The following KCNT2 variants were observed in gnomAD, a reference collection of about 807,000 sequenced individuals.
The protein encoded by KCNT2 is potassium channel subfamily T member 2.
A neutral mutation model predicts 153.8 loss-of-function variants in KCNT2; 67 were observed. The ratio of observed to expected loss-of-function variants is 0.44; its 90% CI spans 0.36 to 0.53. KCNT2 has a LOEUF of 0.53. Ranked by LOEUF, KCNT2 falls within the 20% of genes least tolerant of loss-of-function variation. The pLI is 0.00. For synonymous variants in KCNT2, 500 were observed against 458.8 expected (o/e 1.09, Z -1.15); for missense variants, 975 against 1,354.8 (o/e 0.72, Z 4.40).
At chr1:196,469,990 T>C (rs187718451) in intron 5 of KCNT2, among the ~76,000 whole-genome samples, 3 of 152,316 alleles carry the variant, frequency 2.0e-5, no homozygotes, top group East Asian at 3.9e-4. Flanking sequence ...GTTTAAAAAC[T>C]GCACTGATGG....
chr1:196,379,568 T>C (rs892494081), intron 13 of KCNT2, among the ~76,000 whole-genome samples: 1 of 33,712 alleles, frequency 3.0e-5, no homozygotes, highest in African/African-American at 2.7e-4. Context: ...TGAGACTTTC[T>C]CTCTCTCTCT....
intron 1 of KCNT2, among the ~76,000 whole-genome samples, chr1:196,592,468 T>C (rs1663485081): frequency 6.8e-6 from 1 of 148,038 alleles, no homozygotes; most frequent in Non-Finnish European, 1.5e-5. Flanking sequence ...TATATTTATA[T>C]TTATAGCACA....
In KCNT2 at chr1:196,566,852, G is replaced by C. The variant is rs1429762817; in HGVS notation, c.95+41363C>G. On this transcript the variant is annotated intron_variant, in intron 1 of 27. Coordinates refer to ENST00000294725, the MANE Select transcript of KCNT2 (RefSeq NM_198503.5). ...TAGAAGGCATATAAATAAATTATTA[G>C]ATTTAGTACTTTATTCTATTACAAG... Among the ~76,000 whole-genome samples the C allele has an allele frequency of 2.0e-5, 3 of 151,990 alleles. No homozygotes were observed. In the East Asian group the frequency reaches 5.8e-4, roughly 29 times the overall value.
chr1:196,459,640 C>T (rs1676978890), intron 8 of KCNT2, among the ~76,000 whole-genome samples: 1 of 151,754 alleles, frequency 6.6e-6, no homozygotes. Context: ...AAGTCATAGT[C>T]AGGGCATGTG....
At chr1:196,291,050 G>GT (rs1442163907) in intron 22 of KCNT2, among the ~76,000 whole-genome samples, 1 of 152,056 alleles carries the variant, frequency 6.6e-6, no homozygotes, top group Non-Finnish European at 1.5e-5. Context: ...CAGACTATTA[G>GT]TAAGTCAGAT....
At chr1:196,525,848 AT>A (rs2148833957) in intron 1 of KCNT2, among the ~76,000 whole-genome samples, 1 of 152,130 alleles carries the variant, frequency 6.6e-6, no homozygotes, top group Admixed American at 6.5e-5. Flanking sequence ...ATAAATATAC[AT>A]TTTAAAAGGT....
Position 196,235,481 on chromosome 1 carries a change from T to C in KCNT2, c.3296+505A>G, listed in dbSNP as rs1654349465. ...AATTGTAGCTTTGTTAATTAGAGTG[T>C]AAGGACTTTGAAGTCAGAGAAAATG... On this transcript the variant is annotated intron_variant, in intron 27 of 27. Coordinates refer to ENST00000294725, the MANE Select transcript of KCNT2 (RefSeq NM_198503.5). Among the ~76,000 whole-genome samples, 3 of 151,488 alleles carry C rather than the reference T, an allele frequency of 2.0e-5. No homozygotes were observed. The South Asian group carries it at 6.2e-4, about 31-fold the overall frequency.
intron 1 of KCNT2, among the ~76,000 whole-genome samples, chr1:196,576,371 A>G (rs1206475530): frequency 1.3e-5 from 2 of 152,156 alleles, no homozygotes; most frequent in Non-Finnish European, 2.9e-5. Flanking sequence ...TAGAATTTGA[A>G]TAGATGTTTT....
intron 1 of KCNT2, among the ~76,000 whole-genome samples, chr1:196,510,961 G>A (rs1681563385): frequency 6.6e-6 from 1 of 152,142 alleles, no homozygotes; most frequent in African/African-American, 2.4e-5. Flanking sequence ...AAATATAGAG[G>A]AAATTGTTTT....
chr1:196,331,754 T>C (rs2148105792), intron 17 of KCNT2, among the ~76,000 whole-genome samples: 1 of 152,244 alleles, frequency 6.6e-6, no homozygotes, highest in Admixed American at 6.5e-5. Flanking sequence ...ATAGTAATGG[T>C]AATTTTTACA....
intron 27 of KCNT2, among the ~76,000 whole-genome samples, chr1:196,232,952 G>GA (rs1194662916): frequency 6.6e-6 from 1 of 150,832 alleles, no homozygotes; most frequent in African/African-American, 2.4e-5. Context: ...ATATTTATTT[G>GA]AAAAAAGGTA....
chr1:196,272,400 C>T (rs1044605957), intron 25 of KCNT2, among the ~76,000 whole-genome samples: 19 of 151,760 alleles, frequency 1.3e-4, no homozygotes, highest in Non-Finnish European at 2.5e-4. Context: ...CGAAGAAAGG[C>T]CATGAAGTTT....
intron 26 of KCNT2, among the ~76,000 whole-genome samples, chr1:196,236,491 T>C (rs1014641196): frequency 2.0e-5 from 3 of 151,466 alleles, no homozygotes; most frequent in African/African-American, 7.3e-5. Flanking sequence ...AATAATATAA[T>C]TACATTATGT....
At chr1:196,484,750 C>T (rs1447855455) in intron 3 of KCNT2, among the ~76,000 whole-genome samples, 1 of 151,970 alleles carries the variant, frequency 6.6e-6, no homozygotes, top group East Asian at 1.9e-4. Context: ...ATATGGCTAG[C>T]CAGTTTTCCC....
At chr1:196,579,019 C>T (rs550579047) in intron 1 of KCNT2, among the ~76,000 whole-genome samples, 259 of 152,112 alleles carry the variant, frequency 1.7e-3, no homozygotes, top group Non-Finnish European at 3.1e-3. Context: ...TCCCTCTCCA[C>T]GAAGGTACAG....
At chr1:196,352,628 C>A (rs1572141538) in intron 14 of KCNT2, among the ~76,000 whole-genome samples, 1 of 151,914 alleles carries the variant, frequency 6.6e-6, no homozygotes, top group Non-Finnish European at 1.5e-5. Flanking sequence ...AGTGGTCTAT[C>A]AATTTTGTTG....
At chr1:196,246,414 T>C (rs958963777) in intron 26 of KCNT2, among the ~76,000 whole-genome samples, 9 of 152,110 alleles carry the variant, frequency 5.9e-5, no homozygotes, top group African/African-American at 2.2e-4. Flanking sequence ...GTTAAAACAA[T>C]AAGAAATCAT....
At position 196,280,817 on chromosome 1, in the gene KCNT2, T is replaced by A. The variant is rs966363843; in HGVS notation, c.2910+43A>T. On this transcript the variant is annotated intron_variant, in intron 25 of 27. Transcript: ENST00000294725. ...ATAAGCTTATGAATGATTGCACTCA[T>A]CAGATTAAACATCAAAACAAGAATA... The A allele has an allele frequency of 5.1e-6, 8 of 1,554,404 alleles. No homozygotes were observed. In the African/African-American group the frequency reaches 9.5e-5, roughly 18 times the overall value.
At chr1:196,425,107 T>A (rs1307634313) in intron 11 of KCNT2, among the ~76,000 whole-genome samples, 2 of 152,128 alleles carry the variant, frequency 1.3e-5, no homozygotes, top group South Asian at 4.1e-4. Flanking sequence ...GCAAAACCAC[T>A]TTTGTTGAAG....
Sources: gnomAD v4.1 joint callset for allele counts (sites outside exome capture counted in the v4.1 genomes callset) on GRCh38, gnomAD v4.1.1 for gene constraint, MANE v1.5 for transcripts, NCBI Gene and HGNC (gene_info 2026-07-23, HGNC 2026-07-21) for gene names.